STOX1: variants seen among roughly 807,000 people sequenced by gnomAD.
STOX1 encodes the protein storkhead-box protein 1.
STOX1 carries 57 observed loss-of-function variants against 74.8 expected under a neutral mutation model. That is an observed-to-expected ratio of 0.76 (90% CI 0.62 to 0.95). The LOEUF (loss-of-function observed/expected upper bound fraction) is 0.95, where lower values mean the gene tolerates loss of function less well. STOX1 is among the 40% of genes least tolerant of loss of function. The pLI, the probability that STOX1 is intolerant of heterozygous loss-of-function variation, is 0.00. For missense variants in STOX1, 1,010 were observed against 1,117.0 expected, an observed-to-expected ratio of 0.90 and a Z score of 1.37; for synonymous variants, 375 against 401.3, an observed-to-expected ratio of 0.93 and a Z score of 0.78.
intron 1 of STOX1, among the ~76,000 whole-genome samples, chr10:68,857,070 C>A (rs1365879243): frequency 2.0e-5 from 3 of 152,074 alleles, no homozygotes; most frequent in Non-Finnish European, 4.4e-5. Flanking sequence ...TTTTAATAGT[C>A]ATCTTTATTA....
chr10:68,854,006 T>C (rs1310489397), intron 1 of STOX1, among the ~76,000 whole-genome samples: 1 of 151,280 alleles, frequency 6.6e-6, no homozygotes, highest in Non-Finnish European at 1.5e-5. Flanking sequence ...TTTTTTCTTT[T>C]TCTTTTTAGA....
chr10:68,894,100 C>T (rs1485297452), downstream of STOX1, among the ~76,000 whole-genome samples: 2 of 151,536 alleles, frequency 1.3e-5, no homozygotes, highest in Non-Finnish European at 2.9e-5. Context: ...CGCACTATTG[C>T]CAGGGCTGCA....
intron 1 of STOX1, among the ~76,000 whole-genome samples, chr10:68,866,543 C>T (rs1458400718): frequency 1.3e-5 from 2 of 152,164 alleles, no homozygotes; most frequent in African/African-American, 4.8e-5. Context: ...TACACTCTCC[C>T]AGTTCTGCCT....
intron 2 of STOX1, among the ~76,000 whole-genome samples, chr10:68,883,478 T>C (rs570388101): frequency 2.6e-5 from 4 of 152,122 alleles, no homozygotes. Context: ...AGTGGTGCAA[T>C]TACAGCTCAT....
In STOX1 at chr10:68,884,294, C is replaced by T. The variant is rs761869565; in HGVS notation, c.498C>T (p.Thr166=). 6.2e-7 allele frequency: 1 copy of T among 1,614,036 alleles called. No individual in the cohort carries two copies. The highest frequency in any genetic ancestry group is 1.7e-5 in the Admixed American group (1 of 59,996). ...TTCCATCGGAAGATATTCTTTATACCACTCTGGGAACGCTGATTAAAGAAA... is the reference window on the plus strand; with the variant it reads ...TTCCATCGGAAGATATTCTTTATACTACTCTGGGAACGCTGATTAAAGAAA... ...IAIPSEDILY[T]TLGTLIKERK... Residue 166 remains threonine (T), a synonymous_variant, in exon 3 of 4, where the codon ACC becomes ACT. Coordinates refer to ENST00000298596, the MANE Select transcript of STOX1 (RefSeq NM_152709.5).
At chr10:68,868,356 T>C (rs1035755431) in intron 1 of STOX1, among the ~76,000 whole-genome samples, 4 of 152,234 alleles carry the variant, frequency 2.6e-5, no homozygotes, top group Admixed American at 1.3e-4. Context: ...AGGGACAGGC[T>C]CTGACTAGTT....
intron 1 of STOX1, among the ~76,000 whole-genome samples, chr10:68,836,025 C>T (rs1839541773): frequency 6.6e-6 from 1 of 152,196 alleles, no homozygotes. Flanking sequence ...GCGCGTGCCA[C>T]CACGCCAGGC....
chr10:68,893,785 C>A (rs1371844273), downstream of STOX1, among the ~76,000 whole-genome samples: 2 of 152,096 alleles, frequency 1.3e-5, no homozygotes, highest in Admixed American at 1.3e-4. Context: ...AGAAGGGAAG[C>A]AGAATGGTTA....
At chr10:68,879,456 T>C (rs937699557) in intron 1 of STOX1, among the ~76,000 whole-genome samples, 1 of 152,204 alleles carries the variant, frequency 6.6e-6, no homozygotes, top group Admixed American at 6.5e-5. Flanking sequence ...ATTTGTAAGC[T>C]AGCCTCTCTA....
chr10:68,882,198 A>G, intron 2 of STOX1, 88 bp downstream of exon 2: 1 of 1,331,386 alleles, frequency 7.5e-7, no homozygotes, highest in Non-Finnish European at 1.1e-6. Context: ...AAACTGGGTG[A>G]TATCCTTTTT....
chr10:68,829,095 C>A, intron 1 of STOX1: 2 of 632,244 alleles, frequency 3.2e-6, no homozygotes, highest in Non-Finnish European at 3.9e-6. Flanking sequence ...TTGTTCCGCG[C>A]TTAATTTTCA....
chr10:68,871,221 A>G (rs1018319115), intron 1 of STOX1, among the ~76,000 whole-genome samples: 1 of 152,102 alleles, frequency 6.6e-6, no homozygotes, highest in Admixed American at 6.5e-5. Context: ...TTGTATCTCT[A>G]TCCGCAGTGA....
chr10:68,873,693 G>C (rs1019141464), intron 1 of STOX1, among the ~76,000 whole-genome samples: 6 of 101,260 alleles, frequency 5.9e-5, no homozygotes, highest in Non-Finnish European at 9.1e-5. Flanking sequence ...GTCTCGCTTT[G>C]TCGCCCAGGC....
intron 1 of STOX1, among the ~76,000 whole-genome samples, chr10:68,841,443 T>C (rs527526187): frequency 1.1e-4 from 16 of 152,314 alleles, no homozygotes; most frequent in African/African-American, 3.8e-4. Context: ...CTTCTATAGA[T>C]AGTTTATAAA....
chr10:68,847,621 G>A (rs989133610), intron 1 of STOX1, among the ~76,000 whole-genome samples: 1 of 151,936 alleles, frequency 6.6e-6, no homozygotes. Context: ...TGTTGGCTGG[G>A]CTCATCTCGA....
intron 1 of STOX1, among the ~76,000 whole-genome samples, chr10:68,850,294 C>G (rs1316234640): frequency 6.6e-6 from 1 of 152,214 alleles, no homozygotes; most frequent in African/African-American, 2.4e-5. Flanking sequence ...AGGCATCAGC[C>G]ACTGCACCCA....
In STOX1 at chr10:68,843,444, A is replaced by C. The variant is rs76609970; in HGVS notation, c.310+15511A>C. 7.6e-3 allele frequency among the ~76,000 whole-genome samples: 1,160 copies of C among 152,330 alleles called. 21 individuals carry two copies. Among genetic ancestry groups the C allele is most frequent in the African/African-American group, 0.026 (1,076 of 41,568 alleles). On this transcript the variant is annotated intron_variant, in intron 1 of 3. Coordinates refer to ENST00000298596, the MANE Select transcript of STOX1 (RefSeq NM_152709.5). ...GGTGTGAATTGGAGGGCTGCTTTTCAAAATGATTGTACCACTTTGCAATCG... is the reference window on the plus strand; with the variant it reads ...GGTGTGAATTGGAGGGCTGCTTTTCCAAATGATTGTACCACTTTGCAATCG...
At chr10:68,842,617 T>C (rs1270625547) in intron 1 of STOX1, among the ~76,000 whole-genome samples, 1 of 146,952 alleles carries the variant, frequency 6.8e-6, no homozygotes, top group Admixed American at 7.1e-5. Context: ...CTCGGTTCAC[T>C]GCAACCTCCG....
rs112228270 is a variant in STOX1, at chr10:68,828,012, G to C, written c.310+79G>C. On this transcript the variant is annotated intron_variant, in intron 1 of 3. Transcript: ENST00000298596. ...GGCTCGCTGGCGCTAGTGCTGTGCC[G>C]GCTGGAGGCGCAGAAGGCGGCGGGG... 1.9e-3 allele frequency: 21 copies of C among 11,310 alleles called. No homozygotes were observed. Among genetic ancestry groups the C allele is most frequent in the Non-Finnish European group, 3.3e-3 (21 of 6,422 alleles). 0.7% of individuals were successfully genotyped at this position (11,310 alleles called of 1,614,324 possible).
Sources: allele counts gnomAD v4.1 joint callset (sites outside exome capture counted in the v4.1 genomes callset), GRCh38; gene constraint gnomAD v4.1.1; transcripts MANE v1.5; gene names NCBI Gene and HGNC (gene_info 2026-07-23, HGNC 2026-07-21).